Variants in DCTN4 observed in about 807,000 individuals in gnomAD.
DCTN4 encodes dynactin subunit 4, also known as dynactin 4 (p62).
DCTN4 carries 23 observed loss-of-function variants against 62.7 expected under a neutral mutation model. The observed-to-expected ratio is 0.37, with a 90% confidence interval of 0.26 to 0.52. The LOEUF is 0.52. Ranked by LOEUF, DCTN4 falls within the 20% of genes least tolerant of loss-of-function variation. The pLI is 0.92. For missense variants in DCTN4, 514 were observed against 580.4 expected (o/e 0.89, Z 1.18); for synonymous variants, 199 against 202.1 (o/e 0.98, Z 0.13).
chr5:150,756,251 C>T (rs1346629533), intron 2 of DCTN4, among the ~76,000 whole-genome samples, 166 bp downstream of exon 2: 2 of 152,082 alleles, frequency 1.3e-5, no homozygotes, highest in East Asian at 1.9e-4. Context: ...CCATGTTAGC[C>T]AGGATGGTAT....
chr5:150,709,235 G>A lies in DCTN4; in HGVS notation c.*1914C>T, dbSNP rs1759476645. On this transcript the variant is annotated 3_prime_UTR_variant, in exon 13 of 13. Coordinates refer to ENST00000447998, the MANE Select transcript of DCTN4 (RefSeq NM_016221.4). ...TTGGCTTCTGAAGAAAAAAGTTTAT[G>A]ATCAAAGTGTTTTGTGTTTCTGTGT... The A allele has an allele frequency of 6.6e-6, 1 of 152,650 alleles. No homozygotes were observed. The highest frequency in any genetic ancestry group is 1.5e-5 in the Non-Finnish European group (1 of 68,036). 9.5% of individuals were successfully genotyped at this position (152,650 alleles called of 1,614,324 possible).
intron 1 of DCTN4, chr5:150,758,393 A>T: frequency 1.0e-6 from 1 of 987,748 alleles, no homozygotes; most frequent in Non-Finnish European, 1.2e-6. Flanking sequence ...AGTCAGGAAC[A>T]GGGCAAGGCA....
intron 3 of DCTN4, among the ~76,000 whole-genome samples, chr5:150,749,049 A>G (rs909748011): frequency 1.3e-5 from 2 of 152,170 alleles, no homozygotes; most frequent in African/African-American, 4.8e-5. Flanking sequence ...GGGTTAGGCT[A>G]AAGTTTTTTT....
intron 3 of DCTN4, among the ~76,000 whole-genome samples, chr5:150,747,078 A>T (rs1216770097): frequency 4.6e-5 from 7 of 152,322 alleles, no homozygotes; most frequent in African/African-American, 1.7e-4. Flanking sequence ...GCTGATAAGC[A>T]ACTTCAGCAA....
intron 3 of DCTN4, among the ~76,000 whole-genome samples, chr5:150,746,054 T>C (rs1760949636): frequency 6.8e-6 from 1 of 146,964 alleles, no homozygotes; most frequent in Non-Finnish European, 1.5e-5. Context: ...GCAAGACTAA[T>C]AAAGAAAAAA....
chr5:150,752,651 C>T (rs1216382915), intron 3 of DCTN4, among the ~76,000 whole-genome samples: 2 of 152,154 alleles, frequency 1.3e-5, no homozygotes, highest in African/African-American at 4.8e-5. Context: ...CTTTAATTTG[C>T]ATTTACATGA....
intron 12 of DCTN4, among the ~76,000 whole-genome samples, chr5:150,712,199 G>T (rs1759594787): frequency 6.7e-6 from 1 of 149,702 alleles, no homozygotes; most frequent in African/African-American, 2.5e-5. Context: ...GCGCAATCTT[G>T]GCTCACCGCA....
At chr5:150,716,962 A>C (rs539186727) in intron 11 of DCTN4, among the ~76,000 whole-genome samples, 5 of 151,836 alleles carry the variant, frequency 3.3e-5, no homozygotes, top group African/African-American at 1.2e-4. Flanking sequence ...AATAAGTGTT[A>C]TCTCTCTTTG....
At position 150,711,236 on chromosome 5, in the gene DCTN4, A is replaced by C; in HGVS notation, c.1296T>G (p.Ile432Met). Residue 432 changes from isoleucine (I) to methionine (M), a missense_variant, in exon 13 of 13, where the codon ATT (isoleucine) becomes ATG (methionine). Transcript: ENST00000447998. ...KHDFKNLAAP[I>M]RPIEESDQGT... ...CCTGGTCACTTTCTTCAATGGGGCG[A>C]ATGGGGGCTGCCAGGTTTTTAAAAT... is the stretch of plus-strand genomic sequence containing the variant. 1 of 1,613,086 alleles carries C rather than the reference A, an allele frequency of 6.2e-7. No individual in the cohort carries two copies. Among genetic ancestry groups the C allele is most frequent in the Non-Finnish European group, 8.5e-7 (1 of 1,180,026 alleles).
At chr5:150,751,527 C>T (rs1752675473) in intron 3 of DCTN4, among the ~76,000 whole-genome samples, 1 of 152,076 alleles carries the variant, frequency 6.6e-6, no homozygotes, top group African/African-American at 2.4e-5. Flanking sequence ...TACTTTAGTT[C>T]ACTGAGGCCT....
chr5:150,728,393 T>C (rs75187874), intron 8 of DCTN4, among the ~76,000 whole-genome samples: 3,185 of 152,308 alleles, frequency 0.021, 121 homozygotes, highest in African/African-American at 0.072. Context: ...TTGGGTACAG[T>C]AGTCTATATA....
At chr5:150,748,227 C>A (rs1467028010) in intron 3 of DCTN4, among the ~76,000 whole-genome samples, 2 of 149,780 alleles carry the variant, frequency 1.3e-5, no homozygotes, top group Non-Finnish European at 3.0e-5. Flanking sequence ...CAAATCAAAA[C>A]CACAATGAGA....
intron 2 of DCTN4, among the ~76,000 whole-genome samples, chr5:150,754,866 G>A (rs1752798378): frequency 6.6e-6 from 1 of 152,088 alleles, no homozygotes; most frequent in Non-Finnish European, 1.5e-5. Context: ...AGGAGGCTGA[G>A]GTGGAAGGAC....
intron 12 of DCTN4, among the ~76,000 whole-genome samples, chr5:150,711,679 A>C (rs1759572101): frequency 6.6e-6 from 1 of 151,946 alleles, no homozygotes; most frequent in Non-Finnish European, 1.5e-5. Flanking sequence ...CTAGCTTTAT[A>C]TATTAATACG....
Position 150,709,093 on chromosome 5 carries a change from C to G in DCTN4, c.*2056G>C, listed in dbSNP as rs1759472225. 1.3e-5 allele frequency: 2 copies of G among 152,790 alleles called. No individual in the cohort carries two copies. 9.5% of individuals were successfully genotyped at this position (152,790 alleles called of 1,614,324 possible). On this transcript the variant is annotated 3_prime_UTR_variant, in exon 13 of 13. Transcript: ENST00000447998. Reference sequence around the variant, plus strand: ...ATAAAAAAGGCAACAAATACAATTCCTAATTCACCAGCTGCAGGTATTGAA... The same window carrying G: ...ATAAAAAAGGCAACAAATACAATTCGTAATTCACCAGCTGCAGGTATTGAA...
rs535835952 is a variant in DCTN4, at chr5:150,745,746, G to C, written c.386-3589C>G. 2.5e-3 allele frequency among the ~76,000 whole-genome samples: 375 copies of C among 152,012 alleles called. 2 individuals carry two copies. The highest frequency in any genetic ancestry group is 8.5e-3 in the African/African-American group (353 of 41,462). Reference sequence around the variant, plus strand: ...TAAAGATGTTCTTTGAAACCAACGAGAACAAAGACACAACATACCAGAATC... The same window carrying C: ...TAAAGATGTTCTTTGAAACCAACGACAACAAAGACACAACATACCAGAATC... On this transcript the variant is annotated intron_variant, in intron 3 of 12. Coordinates refer to ENST00000447998, the MANE Select transcript of DCTN4 (RefSeq NM_016221.4).
At chr5:150,747,513 G>A (rs1581598874) in intron 3 of DCTN4, among the ~76,000 whole-genome samples, 2 of 152,200 alleles carry the variant, frequency 1.3e-5, no homozygotes, top group Admixed American at 1.3e-4. Flanking sequence ...CAAAGCTGGA[G>A]GCATCACACT....
intron 4 of DCTN4, among the ~76,000 whole-genome samples, chr5:150,735,030 G>C (rs1760524850): frequency 6.6e-6 from 1 of 152,144 alleles, no homozygotes; most frequent in South Asian, 2.1e-4. Flanking sequence ...CCACCTGATG[G>C]TCTTTCTCTA....
chr5:150,731,625 T>G, intron 5 of DCTN4, 136 bp from the exon 6 acceptor site: 1 of 701,952 alleles, frequency 1.4e-6, no homozygotes, highest in Non-Finnish European at 2.3e-6. Context: ...AAGGCTTCTT[T>G]TAAAGAAAGC....
Sources: gnomAD v4.1 joint callset for allele counts (sites outside exome capture counted in the v4.1 genomes callset) on GRCh38, gnomAD v4.1.1 for gene constraint, MANE v1.5 for transcripts, NCBI Gene and HGNC (gene_info 2026-07-23, HGNC 2026-07-21) for gene names.